The following MYT1L variants were observed in gnomAD, a reference collection of about 807,000 sequenced individuals.
MYT1L encodes myelin transcription factor 1 like.
MYT1L carries 12 observed loss-of-function variants against 126.7 expected under a neutral mutation model. That is an observed-to-expected ratio of 0.09 (90% CI 0.06 to 0.15). The LOEUF is 0.15. Ranked by LOEUF, MYT1L falls within the 10% of genes least tolerant of loss-of-function variation. MYT1L has a pLI of 1.00. For synonymous variants in MYT1L, 541 were observed against 604.2 expected (o/e 0.90, Z 1.53); for missense variants, 979 against 1,585.2 (o/e 0.62, Z 6.49).
chr2:1,966,775 G>GAAA (rs11443833), intron 8 of MYT1L, among the ~76,000 whole-genome samples: 1 of 145,702 alleles, frequency 6.9e-6, no homozygotes, highest in Non-Finnish European at 1.5e-5. Context: ...AATGTTAAGT[G>GAAA]AAAAAAAAAA....
rs1216797096 is a variant in MYT1L, at chr2:2,228,036, G to A, written c.-420-55048C>T. Among the ~76,000 whole-genome samples, 1 of 152,188 alleles carries A rather than the reference G, an allele frequency of 6.6e-6. No individual in the cohort carries two copies. The highest frequency in any genetic ancestry group is 2.4e-5 in the African/African-American group (1 of 41,458). ...ACAGACATTAACTAAATTGCCCAAT[G>A]TCAAGTAGCTCATAACGGCTAGTAA... On this transcript the variant is annotated intron_variant, in intron 2 of 24. Transcript: ENST00000647738. The surrounding 1 kb of genome is among the most constrained non-coding windows in gnomAD (Gnocchi z 5.9).
intron 2 of MYT1L, among the ~76,000 whole-genome samples, chr2:2,214,260 T>G (rs931528295): frequency 1.1e-5 from 1 of 88,200 alleles, no homozygotes; most frequent in Non-Finnish European, 2.6e-5. Flanking sequence ...AGACAAATTA[T>G]CTATCTATCT....
At chr2:1,859,831 T>C (rs1376976203) in intron 18 of MYT1L, among the ~76,000 whole-genome samples, 1 of 152,144 alleles carries the variant, frequency 6.6e-6, no homozygotes, top group Non-Finnish European at 1.5e-5. Context: ...TGCCCCAGCG[T>C]TGGGGACAGC....
rs1287169554 is a variant in MYT1L at position 1,956,480 on chromosome 2, T to C, written c.153-13146A>G. ...ATCCTATTCTATATTTCCTATTCTT[T>C]CTATGTGTCCTATTCTATATTTCCT... On this transcript the variant is annotated intron_variant, in intron 8 of 24. Transcript: ENST00000647738. Among the ~76,000 whole-genome samples, 4 of 151,742 alleles carry C rather than the reference T, an allele frequency of 2.6e-5. 1 individual carries two copies. Among genetic ancestry groups the C allele is most frequent in the South Asian group, 4.2e-4 (2 of 4,770 alleles).
At chr2:1,795,159 G>GC (rs955233880) in intron 23 of MYT1L, among the ~76,000 whole-genome samples, 4 of 152,208 alleles carry the variant, frequency 2.6e-5, no homozygotes, top group African/African-American at 9.7e-5. Context: ...GGTCACTGCT[G>GC]CCCGTTCCTT....
At chr2:1,820,706 C>A (rs893058857) in intron 21 of MYT1L, among the ~76,000 whole-genome samples, 1 of 151,972 alleles carries the variant, frequency 6.6e-6, no homozygotes, top group African/African-American at 2.4e-5. Flanking sequence ...ACCACCATGC[C>A]TGGTTAATTT....
intron 2 of MYT1L, among the ~76,000 whole-genome samples, chr2:2,186,315 TTCCGCGGTCATTATGTGAGGGGGACGCAG>T (rs2092188235): frequency 6.7e-6 from 1 of 149,276 alleles, no homozygotes; most frequent in South Asian, 2.2e-4. Flanking sequence ...CCTCCCCGAG[TTCCGCGGTCATTATGTGAGGGGGACGCAG>T]CCGGGCCTTC....
intron 8 of MYT1L, among the ~76,000 whole-genome samples, chr2:1,976,929 G>A (rs1454749185): frequency 6.6e-6 from 1 of 152,196 alleles, no homozygotes. Context: ...ACTGAAGGCT[G>A]TAGACGTTAC....
At chr2:1,945,899 T>C (rs1350378877) in intron 8 of MYT1L, among the ~76,000 whole-genome samples, 1 of 152,194 alleles carries the variant, frequency 6.6e-6, no homozygotes, top group Non-Finnish European at 1.5e-5. Context: ...CCAATTGCAC[T>C]AGCGAAAGGG....
chr2:1,840,345 C>A (rs1221546358), intron 20 of MYT1L, among the ~76,000 whole-genome samples: 2 of 152,082 alleles, frequency 1.3e-5, no homozygotes, highest in African/African-American at 2.4e-5. Flanking sequence ...TGCCTTAGAG[C>A]AAGGCAGGGT....
intron 8 of MYT1L, among the ~76,000 whole-genome samples, chr2:1,964,213 A>G (rs1285230384): frequency 6.6e-6 from 1 of 152,346 alleles, no homozygotes; most frequent in Admixed American, 6.5e-5. Context: ...TGGAACACAC[A>G]GCATTTACGG....
rs150966735 is a variant in MYT1L at position 2,292,506 on chromosome 2, C to T, written c.-520-8003G>A. On this transcript the variant is annotated intron_variant, in intron 1 of 24. Coordinates refer to ENST00000647738, the MANE Select transcript of MYT1L (RefSeq NM_001303052.2). ...CTCCATATTGCCCTCAGCAGTGACA[C>T]GGTTTCTGGACAGGACACTGCAAAC... 5.1e-3 allele frequency among the ~76,000 whole-genome samples: 774 copies of T among 152,288 alleles called. 8 individuals are homozygous for T. Among genetic ancestry groups the T allele is most frequent in the African/African-American group, 0.018 (733 of 41,570 alleles).
intron 3 of MYT1L, among the ~76,000 whole-genome samples, chr2:2,146,055 A>G (rs1241275500): frequency 1.3e-5 from 2 of 152,214 alleles, no homozygotes; most frequent in African/African-American, 2.4e-5. Flanking sequence ...ACCATTGTCT[A>G]AGGACTGTGT....
chr2:1,806,745 T>C lies in MYT1L; in HGVS notation c.3172+2331A>G, dbSNP rs1403426412. ...CCCTCCTCTAGGATTGGCAGATCTGTTCTCTCCGTATTTTCTTTCCTTTTC... is the reference window on the plus strand; with the variant it reads ...CCCTCCTCTAGGATTGGCAGATCTGCTCTCTCCGTATTTTCTTTCCTTTTC... On this transcript the variant is annotated intron_variant, in intron 22 of 24. Transcript: ENST00000647738. This position sits in a 1 kb window ranked among gnomAD's most constrained non-coding sequence, Gnocchi z 4.9. 6.6e-6 allele frequency among the ~76,000 whole-genome samples: 1 copy of C among 152,142 alleles called. No individual in the cohort carries two copies. The highest frequency in any genetic ancestry group is 1.5e-5 in the Non-Finnish European group (1 of 68,022).
chr2:2,164,092 T>A (rs767845940), intron 3 of MYT1L, among the ~76,000 whole-genome samples: 66 of 152,188 alleles, frequency 4.3e-4, no homozygotes, highest in Admixed American at 7.2e-4. Flanking sequence ...AGAAATAGTG[T>A]ACGTAATTTA....
chr2:2,304,747 G>T (rs996664640), intron 1 of MYT1L, among the ~76,000 whole-genome samples: 1 of 152,156 alleles, frequency 6.6e-6, no homozygotes, highest in Non-Finnish European at 1.5e-5. Context: ...TCTGGATTTG[G>T]CATACAGACC....
intron 1 of MYT1L, among the ~76,000 whole-genome samples, chr2:2,330,456 TTTTC>T (rs1469319748): frequency 6.6e-6 from 1 of 152,200 alleles, no homozygotes; most frequent in East Asian, 1.9e-4. Flanking sequence ...ATAAATAACA[TTTTC>T]TTTCATTATT....
chr2:1,812,419 A>G (rs932004392), intron 21 of MYT1L, among the ~76,000 whole-genome samples: 14 of 152,208 alleles, frequency 9.2e-5, no homozygotes, highest in Non-Finnish European at 1.8e-4. Flanking sequence ...GAGATGGAAT[A>G]GGTGCCCAGT....
intron 21 of MYT1L, among the ~76,000 whole-genome samples, chr2:1,832,686 C>T (rs1027094966): frequency 6.6e-6 from 1 of 152,172 alleles, no homozygotes; most frequent in Non-Finnish European, 1.5e-5. Context: ...CATTCAAAGC[C>T]CGGACTCCAA....
Sources: gnomAD v4.1 joint callset for allele counts (sites outside exome capture counted in the v4.1 genomes callset) on GRCh38, gnomAD v4.1.1 for gene constraint, Gnocchi (gnomAD v3.1) non-coding constraint, MANE v1.5 for transcripts, NCBI Gene and HGNC (gene_info 2026-07-23, HGNC 2026-07-21) for gene names.